DSCAML1: variants seen among roughly 807,000 people sequenced by gnomAD.
DSCAML1 encodes cell adhesion molecule DSCAML1.
Under a neutral mutation model 200.5 loss-of-function variants are expected in DSCAML1, and 38 were observed. The observed-to-expected ratio is 0.19, with a 90% CI of 0.15 to 0.25. The LOEUF is 0.25. Among genes scored for constraint, DSCAML1 ranks in the 10% least tolerant of loss-of-function variants. The pLI is 1.00. For synonymous variants in DSCAML1, 1,215 were observed against 1,165.0 expected, an observed-to-expected ratio of 1.04 and a Z score of -0.87; for missense variants, 2,223 against 2,858.8, an observed-to-expected ratio of 0.78 and a Z score of 5.07.
intron 3 of DSCAML1, among the ~76,000 whole-genome samples, chr11:117,653,936 G>T (rs1398563153): frequency 6.6e-6 from 1 of 152,210 alleles, no homozygotes; most frequent in Admixed American, 6.5e-5. Flanking sequence ...TGAGGTGGGA[G>T]GATCACTTGA....
intron 3 of DSCAML1, among the ~76,000 whole-genome samples, chr11:117,698,324 G>A (rs569919643): frequency 5.3e-5 from 8 of 152,266 alleles, no homozygotes; most frequent in Non-Finnish European, 8.8e-5. Flanking sequence ...ATTACCTAAC[G>A]GGTAACAATG....
intron 3 of DSCAML1, among the ~76,000 whole-genome samples, chr11:117,773,008 T>C (rs79973603): frequency 0.044 from 6,646 of 152,246 alleles, 211 homozygotes; most frequent in Non-Finnish European, 0.068. Flanking sequence ...TTCTCCAGAC[T>C]CTCCCTGCCC....
At chr11:117,703,022 T>G (rs1161711064) in intron 3 of DSCAML1, among the ~76,000 whole-genome samples, 1 of 152,168 alleles carries the variant, frequency 6.6e-6, no homozygotes. Context: ...ACTTGCAGTT[T>G]CTCTGAAAAT....
chr11:117,543,877 T>A (rs35304140), intron 3 of DSCAML1, among the ~76,000 whole-genome samples: 6 of 152,120 alleles, frequency 3.9e-5, no homozygotes, highest in African/African-American at 1.4e-4. Flanking sequence ...GCGTATGTAG[T>A]GCATAGGTAT....
At chr11:117,573,045 A>G (rs2050872860) in intron 3 of DSCAML1, among the ~76,000 whole-genome samples, 1 of 152,180 alleles carries the variant, frequency 6.6e-6, no homozygotes, top group Non-Finnish European at 1.5e-5. Context: ...GCCCTGTGAG[A>G]GAGCTATTGT....
rs1211259899 is a variant in DSCAML1 at position 117,481,984 on chromosome 11, G to A, written c.2538C>T (p.Asp846=). The A allele has an allele frequency of 2.5e-6, 4 of 1,613,986 alleles. No individual in the cohort carries two copies. The highest frequency in any genetic ancestry group is 2.2e-5 in the South Asian group (2 of 91,088). ...RYAIATKDNG[D]EVVSTLKLKP... is the part of the protein sequence containing the mutation. ...TCACCTTCAGTGTGGAGACGACCTC[G>A]TCGCCGTTGTCCTTGGTGGCGATGG... The change falls in exon 12 of 33, where the codon GAC becomes GAT. Residue 846 remains aspartate, a synonymous_variant. Transcript: ENST00000651296.
chr11:117,752,114 CCTT>C (rs2137870183), intron 3 of DSCAML1, among the ~76,000 whole-genome samples: 1 of 152,296 alleles, frequency 6.6e-6, no homozygotes, highest in African/African-American at 2.4e-5. Context: ...CTAGAACAAG[CCTT>C]CTCATTTCTG....
intron 3 of DSCAML1, among the ~76,000 whole-genome samples, chr11:117,555,562 G>A (rs1172638636): frequency 4.6e-5 from 7 of 152,180 alleles, no homozygotes; most frequent in Admixed American, 4.6e-4. Context: ...GTTTGGGAGT[G>A]AGGTGATGTA....
intron 3 of DSCAML1, among the ~76,000 whole-genome samples, chr11:117,594,581 T>C (rs1452297747): frequency 6.6e-6 from 1 of 152,220 alleles, no homozygotes; most frequent in African/African-American, 2.4e-5. Context: ...GGCTCTGACA[T>C]CTGTGTTCTG....
At chr11:117,649,909 C>T (rs2052594212) in intron 3 of DSCAML1, among the ~76,000 whole-genome samples, 1 of 152,196 alleles carries the variant, frequency 6.6e-6, no homozygotes, top group Non-Finnish European at 1.5e-5. Context: ...ACCATGGCCT[C>T]CCCAGGAGTT....
chr11:117,698,527 G>T (rs1275453104), intron 3 of DSCAML1, among the ~76,000 whole-genome samples: 5 of 152,150 alleles, frequency 3.3e-5, no homozygotes, highest in African/African-American at 1.2e-4. Context: ...CCCATCAATA[G>T]TGCACAAGGG....
At chr11:117,638,612 A>T (rs1055486824) in intron 3 of DSCAML1, among the ~76,000 whole-genome samples, 3 of 152,192 alleles carry the variant, frequency 2.0e-5, no homozygotes, top group African/African-American at 7.2e-5. Context: ...GATACTTTAT[A>T]TAAAGGGAAT....
At chr11:117,593,401 G>A (rs923602812) in intron 3 of DSCAML1, among the ~76,000 whole-genome samples, 2 of 152,220 alleles carry the variant, frequency 1.3e-5, no homozygotes, top group Non-Finnish European at 2.9e-5. Flanking sequence ...GGTACCTCAG[G>A]GCTGCTGTGC....
intron 8 of DSCAML1, among the ~76,000 whole-genome samples, chr11:117,507,126 T>C (rs1193338960): frequency 6.6e-6 from 1 of 152,178 alleles, no homozygotes; most frequent in African/African-American, 2.4e-5. Context: ...GATAACTCAA[T>C]TAGGCTGCAG....
chr11:117,666,575 T>C (rs1049601972), intron 3 of DSCAML1, among the ~76,000 whole-genome samples: 3 of 152,086 alleles, frequency 2.0e-5, no homozygotes, highest in Non-Finnish European at 2.9e-5. Flanking sequence ...TTCCCACTCC[T>C]CTCTCTCCCT....
At chr11:117,616,061 A>G (rs559344201) in intron 3 of DSCAML1, among the ~76,000 whole-genome samples, 84 of 152,288 alleles carry the variant, frequency 5.5e-4, no homozygotes, top group African/African-American at 1.9e-3. Context: ...AGGGTATCAG[A>G]CACAGTAATC....
chr11:117,445,447 G>A lies in DSCAML1; in HGVS notation c.3709-1408C>T, dbSNP rs188518087. ...CGTTGATATGTGCTTGAAGTGTGGG[G>A]TAGTGTAGTGGCTTCAACACCCTCC... On this transcript the variant is annotated intron_variant, in intron 20 of 32. Transcript: ENST00000651296. Among the ~76,000 whole-genome samples the A allele has an allele frequency of 6.0e-4, 92 of 152,332 alleles. 1 individual carries two copies. The highest frequency in any genetic ancestry group is 2.1e-3 in the African/African-American group (89 of 41,580).
At chr11:117,603,743 C>T (rs1473132606) in intron 3 of DSCAML1, among the ~76,000 whole-genome samples, 1 of 152,124 alleles carries the variant, frequency 6.6e-6, no homozygotes, top group Non-Finnish European at 1.5e-5. Flanking sequence ...GAAGACTACT[C>T]TGAGAGTTAC....
intron 16 of DSCAML1, among the ~76,000 whole-genome samples, chr11:117,468,563 G>T (rs1240940371): frequency 6.6e-6 from 1 of 152,182 alleles, no homozygotes; most frequent in Non-Finnish European, 1.5e-5. Context: ...CCAGGACGCA[G>T]CCAAGAGTTT....
Sources: allele counts gnomAD v4.1 joint callset (sites outside exome capture counted in the v4.1 genomes callset), GRCh38; gene constraint gnomAD v4.1.1; transcripts MANE v1.5; gene names NCBI Gene and HGNC (gene_info 2026-07-23, HGNC 2026-07-21).